The following GPC5 variants were observed in gnomAD, a reference collection of about 807,000 sequenced individuals.
GPC5 encodes glypican-5.
In GPC5, 47 loss-of-function variants were observed where a neutral mutation model predicts 53.9. The ratio of observed to expected loss-of-function variants is 0.87; its 90% CI spans 0.69 to 1.11. GPC5 has a LOEUF of 1.11. Among genes scored for constraint, GPC5 ranks in the 50% most tolerant of loss-of-function variants. The pLI, the probability that GPC5 is intolerant of heterozygous loss-of-function variation, is 0.00. For missense variants in GPC5, 748 were observed against 713.1 expected, an observed-to-expected ratio of 1.05 and a Z score of -0.56; for synonymous variants, 286 against 263.3, an observed-to-expected ratio of 1.09 and a Z score of -0.84.
intron 5 of GPC5, among the ~76,000 whole-genome samples, chr13:91,794,336 A>G (rs2038015428): frequency 6.6e-6 from 1 of 152,104 alleles, no homozygotes; most frequent in Admixed American, 6.5e-5. Context: ...TTTGTTTTAA[A>G]TGGATCTTCC....
intron 7 of GPC5, among the ~76,000 whole-genome samples, chr13:92,269,140 G>A (rs1041571596): frequency 2.0e-5 from 3 of 151,762 alleles, no homozygotes; most frequent in African/African-American, 7.3e-5. Flanking sequence ...TTCTTTTCAA[G>A]GGCTTTACTC....
At chr13:92,148,151 T>A (rs997807850) in intron 7 of GPC5, among the ~76,000 whole-genome samples, 4 of 152,124 alleles carry the variant, frequency 2.6e-5, no homozygotes, top group African/African-American at 7.2e-5. Context: ...TATGTGTATA[T>A]ATCTACATAT....
chr13:92,797,350 C>T (rs1225632460), intron 7 of GPC5, among the ~76,000 whole-genome samples: 1 of 151,892 alleles, frequency 6.6e-6, no homozygotes, highest in African/African-American at 2.4e-5. Flanking sequence ...GTACCTTTGA[C>T]TCCATCCCCA....
At chr13:92,269,433 T>G (rs566486599) in intron 7 of GPC5, among the ~76,000 whole-genome samples, 1 of 151,912 alleles carries the variant, frequency 6.6e-6, no homozygotes, top group Non-Finnish European at 1.5e-5. Flanking sequence ...TGAGACAGAG[T>G]CTCGCTCTGT....
intron 7 of GPC5, among the ~76,000 whole-genome samples, chr13:92,784,997 C>A (rs369652533): frequency 8.5e-5 from 13 of 152,282 alleles, no homozygotes; most frequent in Admixed American, 5.2e-4. Flanking sequence ...AAGCCTGGGG[C>A]CAGGCATGGT....
At chr13:92,165,503 G>GGT (rs1863396117) in intron 7 of GPC5, among the ~76,000 whole-genome samples, 1 of 152,088 alleles carries the variant, frequency 6.6e-6, no homozygotes, top group South Asian at 2.1e-4. Context: ...TTCTTCACAG[G>GGT]GTGACAGGAG....
At chr13:92,086,623 C>A (rs2138888872) in intron 6 of GPC5, among the ~76,000 whole-genome samples, 1 of 152,080 alleles carries the variant, frequency 6.6e-6, no homozygotes, top group East Asian at 1.9e-4. Flanking sequence ...ACTTTTGCCT[C>A]ACTTATTTAC....
intron 2 of GPC5, among the ~76,000 whole-genome samples, chr13:91,531,622 A>G (rs1260489091): frequency 6.6e-6 from 1 of 152,204 alleles, no homozygotes; most frequent in Non-Finnish European, 1.5e-5. Context: ...GTAGAAGACA[A>G]ACGTCTTTAT....
At chr13:91,838,648 C>T (rs1177118006) in intron 5 of GPC5, among the ~76,000 whole-genome samples, 1 of 152,050 alleles carries the variant, frequency 6.6e-6, no homozygotes, top group Non-Finnish European at 1.5e-5. Flanking sequence ...ATATGGACAA[C>T]TTTGTACCTT....
At chr13:91,780,824 A>G (rs969643225) in intron 5 of GPC5, among the ~76,000 whole-genome samples, 1 of 152,246 alleles carries the variant, frequency 6.6e-6, no homozygotes, top group African/African-American at 2.4e-5. Flanking sequence ...CGCCACAAGT[A>G]GAATGAGTGT....
In GPC5 at chr13:91,569,566, G is replaced by A. The variant is rs768555596; in HGVS notation, c.325+120644G>A. The stretch of plus-strand genomic sequence containing the variant: ...GGTATAACCCCCAATGAGAATGCAT[G>A]TTCAAGAATCTAGAAGAAGTAGAGT... On this transcript the variant is annotated intron_variant, in intron 2 of 7. Transcript: ENST00000377067. Among the ~76,000 whole-genome samples, 7 of 152,224 alleles carry A rather than the reference G, an allele frequency of 4.6e-5. No homozygotes were observed. In the South Asian group the frequency reaches 1.2e-3, roughly 27 times the overall value.
intron 7 of GPC5, among the ~76,000 whole-genome samples, chr13:92,161,103 A>T (rs568205604): frequency 6.6e-6 from 1 of 151,568 alleles, no homozygotes; most frequent in East Asian, 1.9e-4. Context: ...AGGGAAAGTC[A>T]GGAAGCATCT....
At chr13:92,761,264 G>A (rs1193470026) in intron 7 of GPC5, among the ~76,000 whole-genome samples, 3 of 152,082 alleles carry the variant, frequency 2.0e-5, no homozygotes, top group Non-Finnish European at 2.9e-5. Context: ...AAACTTCTGG[G>A]CTCAAGCAAT....
At chr13:92,764,539 G>A (rs1875318585) in intron 7 of GPC5, among the ~76,000 whole-genome samples, 1 of 152,190 alleles carries the variant, frequency 6.6e-6, no homozygotes, top group African/African-American at 2.4e-5. Flanking sequence ...TGTCCAAGGT[G>A]GTTATGGGGG....
intron 5 of GPC5, 108 bp downstream of exon 5, chr13:91,756,528 C>T: frequency 5.3e-6 from 5 of 942,902 alleles, no homozygotes; most frequent in Non-Finnish European, 7.5e-6. Flanking sequence ...AGTTTACAGT[C>T]TACATTAAAT....
At chr13:91,958,106 C>T (rs1488712189) in intron 6 of GPC5, among the ~76,000 whole-genome samples, 1 of 150,842 alleles carries the variant, frequency 6.6e-6, no homozygotes, top group Non-Finnish European at 1.5e-5. Context: ...TTAAAGAAAG[C>T]ATGATTCAAC....
At chr13:92,195,255 A>G (rs369040910) in intron 7 of GPC5, among the ~76,000 whole-genome samples, 3 of 152,196 alleles carry the variant, frequency 2.0e-5, no homozygotes, top group East Asian at 1.9e-4. Context: ...TCAGTGATAC[A>G]TATGTGCAGT....
chr13:91,755,970 A>T (rs997390858), intron 4 of GPC5, among the ~76,000 whole-genome samples: 1 of 151,938 alleles, frequency 6.6e-6, no homozygotes, highest in East Asian at 1.9e-4. Context: ...TTCTTTATGC[A>T]TCAGTATATA....
intron 7 of GPC5, among the ~76,000 whole-genome samples, chr13:92,370,189 T>C (rs1215489522): frequency 1.3e-5 from 2 of 152,220 alleles, no homozygotes; most frequent in African/African-American, 2.4e-5. Context: ...TGGACATTTA[T>C]TTAGGAGAAG....
Sources: gnomAD v4.1 joint callset for allele counts (sites outside exome capture counted in the v4.1 genomes callset) on GRCh38, gnomAD v4.1.1 for gene constraint, MANE v1.5 for transcripts, NCBI Gene and HGNC (gene_info 2026-07-23, HGNC 2026-07-21) for gene names.